Variants in SEH1L observed in about 807,000 individuals in gnomAD.
The protein encoded by SEH1L is nucleoporin SEH1.
SEH1L carries 18 observed loss-of-function variants against 49.5 expected under a neutral mutation model. The observed-to-expected ratio is 0.36, with a 90% CI of 0.25 to 0.54. SEH1L has a LOEUF of 0.54. SEH1L is among the 20% of genes least tolerant of loss of function. The probability of loss-of-function intolerance (pLI) is 0.87; values close to 1 mark genes in which losing one functional copy is unlikely to be tolerated. For missense variants in SEH1L, 404 were observed against 528.8 expected (o/e 0.76, Z 2.31); for synonymous variants, 169 against 178.1 (o/e 0.95, Z 0.41).
At chr18:12,948,779 A>C (rs1401401698) in intron 1 of SEH1L, 2 of 152,200 alleles carry the variant, frequency 1.3e-5, no homozygotes, top group Non-Finnish European at 2.9e-5. Flanking sequence ...CTGCCCAGGA[A>C]TCGGAGGGTT....
At chr18:12,970,913 G>A (rs989787689) in intron 4 of SEH1L, among the ~76,000 whole-genome samples, 1 of 152,118 alleles carries the variant, frequency 6.6e-6, no homozygotes, top group Non-Finnish European at 1.5e-5. Flanking sequence ...CTTTCTATCT[G>A]AGCCATAAGA....
intron 1 of SEH1L, among the ~76,000 whole-genome samples, chr18:12,949,106 G>A (rs183494633): frequency 4.0e-5 from 6 of 150,378 alleles, no homozygotes; most frequent in Non-Finnish European, 8.9e-5. Context: ...TGATCCACCC[G>A]CCTCGGCGCC....
chr18:12,949,010 C>T (rs539578852), intron 1 of SEH1L, among the ~76,000 whole-genome samples: 50 of 151,820 alleles, frequency 3.3e-4, no homozygotes, highest in African/African-American at 1.2e-3. Flanking sequence ...CCACCACCCC[C>T]GGCTAATCTT....
intron 4 of SEH1L, among the ~76,000 whole-genome samples, chr18:12,967,872 C>A (rs1174113240): frequency 2.0e-5 from 3 of 151,624 alleles, no homozygotes; most frequent in African/African-American, 7.3e-5. Context: ...CAAGATGATG[C>A]CACTGCACTC....
chr18:12,975,110 A>C (rs1000114582), intron 5 of SEH1L, among the ~76,000 whole-genome samples: 1 of 151,760 alleles, frequency 6.6e-6, no homozygotes, highest in Non-Finnish European at 1.5e-5. Flanking sequence ...CTCCTGCCTC[A>C]GCCTCCCAAG....
chr18:12,978,539 C>A (rs1490006744), intron 5 of SEH1L: 1 of 445,542 alleles, frequency 2.2e-6, no homozygotes, highest in East Asian at 3.3e-5. Context: ...TCCTTAATTA[C>A]ATTTTCAAAG....
Position 12,948,139 on chromosome 18 carries a change from C to A in SEH1L, c.18C>A (p.Ser6Arg). The A allele has an allele frequency of 6.2e-7, 1 of 1,607,976 alleles. No individual in the cohort carries two copies. The highest frequency in any genetic ancestry group is 1.1e-5 in the South Asian group (1 of 90,730). Residue 6 changes from serine (S) to arginine (R), a missense_variant, in exon 1 of 9, where the codon AGC (serine) becomes AGA (arginine). Physicochemically the swap from Ser to Arg is moderately radical, Grantham distance 110 (BLOSUM62 -1). Around this residue, in one of 3 missense-constraint regions of SEH1L, gnomAD observed 57 missense variants for 71.9 expected, o/e 0.79. Coordinates refer to ENST00000399892, the MANE Select transcript of SEH1L (RefSeq NM_001013437.2). Reference sequence around the variant, plus strand: ...CGGAAACCATGTTTGTGGCTCGCAGCATCGCGGCGGACCACAAGGATCTCA... The same window carrying A: ...CGGAAACCATGTTTGTGGCTCGCAGAATCGCGGCGGACCACAAGGATCTCA... MFVAR[S>R]IAADHKDLIH... is the part of the protein sequence containing the mutation.
chr18:12,971,590 CG>C (rs1568222089), intron 5 of SEH1L: 8 of 153,758 alleles, frequency 5.2e-5, no homozygotes, highest in African/African-American at 2.1e-4. Context: ...GCTGAGATTG[CG>C]CTATTGCACT....
chr18:12,957,445 A>G lies in SEH1L; in HGVS notation c.309+1836A>G, dbSNP rs114311318. Among the ~76,000 whole-genome samples, 1,510 of 151,472 alleles carry G rather than the reference A, an allele frequency of 1.0e-2. 25 individuals are homozygous for G. The highest frequency in any genetic ancestry group is 0.034 in the African/African-American group (1,394 of 41,214). On this transcript the variant is annotated intron_variant, in intron 3 of 8. Transcript: ENST00000399892. ...CTTCGTCTCAAAAAAAAAAAAATAC[A>G]CTCTCCTTTATCTACATCTGCTTTT...
At chr18:12,953,132 G>A (rs1309973943) in intron 2 of SEH1L, among the ~76,000 whole-genome samples, 2 of 152,148 alleles carry the variant, frequency 1.3e-5, no homozygotes, top group East Asian at 3.8e-4. Flanking sequence ...GAAATACATA[G>A]TCCTTTGTGT....
Position 12,971,159 on chromosome 18 carries a change from T to G in SEH1L, c.528T>G (p.Arg176=). The G allele has an allele frequency of 1.2e-6, 2 of 1,611,760 alleles. No homozygotes were observed. The highest frequency in any genetic ancestry group is 1.7e-6 in the Non-Finnish European group (2 of 1,177,922). Residue 176 remains arginine (R), a synonymous_variant, in exon 5 of 9, where the codon CGT becomes CGG. Coordinates refer to ENST00000399892, the MANE Select transcript of SEH1L (RefSeq NM_001013437.2). Reference sequence around the variant, plus strand: ...TCTTTCTCCCCGTTTCTAGCTCTCGTGCTCATTCCCCCATGATCGCCGTAG... The same window carrying G: ...TCTTTCTCCCCGTTTCTAGCTCTCGGGCTCATTCCCCCATGATCGCCGTAG... ...SCISWNPSSS[R]AHSPMIAVGS...
Position 12,981,296 on chromosome 18 carries a change from C to T in SEH1L, c.762-1222C>T, listed in dbSNP as rs533261056. On this transcript the variant is annotated intron_variant, in intron 6 of 8. Transcript: ENST00000399892. ...GCAGAGACGCTCCTCACTTCCCAGACGGGGTGGCGGCCGGGCAGAGGCTGC... is the reference window on the plus strand; with the variant it reads ...GCAGAGACGCTCCTCACTTCCCAGATGGGGTGGCGGCCGGGCAGAGGCTGC... 7.7e-3 allele frequency among the ~76,000 whole-genome samples: 1,165 copies of T among 151,938 alleles called. 13 individuals carry two copies. Among genetic ancestry groups the T allele is most frequent in the South Asian group, 0.03 (146 of 4,810 alleles).
At chr18:12,974,701 A>G (rs1434999380) in intron 5 of SEH1L, 1 of 152,244 alleles carries the variant, frequency 6.6e-6, no homozygotes, top group Non-Finnish European at 1.5e-5. Context: ...TAGGATTGAT[A>G]GTGATAATAG....
At chr18:12,968,099 T>C (rs2031533421) in intron 4 of SEH1L, among the ~76,000 whole-genome samples, 1 of 152,216 alleles carries the variant, frequency 6.6e-6, no homozygotes, top group African/African-American at 2.4e-5. Flanking sequence ...CTTGTTTTTC[T>C]TGGGTGTCTG....
intron 5 of SEH1L, among the ~76,000 whole-genome samples, chr18:12,975,482 G>C (rs1231299985): frequency 1.3e-5 from 2 of 151,896 alleles, no homozygotes. Context: ...AGTTTCAGCT[G>C]ATGATGTTTG....
chr18:12,980,589 G>A (rs1210406547), intron 6 of SEH1L, among the ~76,000 whole-genome samples: 6 of 124,994 alleles, frequency 4.8e-5, no homozygotes, highest in Non-Finnish European at 8.5e-5. Context: ...CCTCCCTCCC[G>A]GACGGGGCAG....
intron 3 of SEH1L, among the ~76,000 whole-genome samples, chr18:12,959,709 A>G (rs2031081161): frequency 6.6e-6 from 1 of 152,148 alleles, no homozygotes; most frequent in African/African-American, 2.4e-5. Context: ...AAATTTTAAA[A>G]TTTTGAAGTC....
chr18:12,948,060 C>T lies in SEH1L; in HGVS notation c.-62C>T, dbSNP rs1016759834. 15 of 1,320,998 alleles carry T rather than the reference C, an allele frequency of 1.1e-5. No individual in the cohort carries two copies. Among genetic ancestry groups the T allele is most frequent in the African/African-American group, 1.5e-5 (1 of 67,662 alleles). 81.8% of individuals were successfully genotyped at this position (1,320,998 alleles called of 1,614,324 possible). A position where few individuals can be genotyped will look rare whatever the true frequency, so the allele number is the denominator to read the frequency against. On this transcript the variant is annotated 5_prime_UTR_variant, in exon 1 of 9. Transcript: ENST00000399892. ...TGCGAGGTCTGGCTAGGCTACGGGC[C>T]ACGCGCCGCCGCCGCTGCCGCCGCC... is the stretch of plus-strand genomic sequence containing the variant.
At chr18:12,979,959 T>G (rs1215248233) in intron 6 of SEH1L, among the ~76,000 whole-genome samples, 4 of 60,926 alleles carry the variant, frequency 6.6e-5, no homozygotes, top group African/African-American at 6.7e-5. Flanking sequence ...CGGGCAGAGG[T>G]GCCCCTCACC....
Sources: gnomAD v4.1 joint callset for allele counts (sites outside exome capture counted in the v4.1 genomes callset) on GRCh38, gnomAD v4.1.1 for gene constraint, gnomAD v4.1.1 regional missense constraint, MANE v1.5 for transcripts, NCBI Gene and HGNC (gene_info 2026-07-23, HGNC 2026-07-21) for gene names.